The following TRIM16 variants were observed in gnomAD, a reference collection of about 807,000 sequenced individuals.
The protein encoded by TRIM16 is tripartite motif-containing protein 16.
A neutral mutation model predicts 50.4 loss-of-function variants in TRIM16; 33 were observed. The observed-to-expected ratio is 0.65, with a 90% confidence interval of 0.50 to 0.88. The LOEUF (loss-of-function observed/expected upper bound fraction) is 0.88. Among genes scored for constraint, TRIM16 ranks in the 40% least tolerant of loss-of-function variants. TRIM16 has a pLI of 0.00. For missense variants in TRIM16, 581 were observed against 686.8 expected, an observed-to-expected ratio of 0.85 and a Z score of 1.72; for synonymous variants, 229 against 270.7, an observed-to-expected ratio of 0.85 and a Z score of 1.51.
intron 1 of TRIM16, 179 bp downstream of exon 1, chr17:15,684,017 C>A (rs1327290639): frequency 2.0e-5 from 3 of 152,244 alleles, no homozygotes; most frequent in Non-Finnish European, 4.4e-5. Context: ...CACACATACA[C>A]CCCACTCCCA....
Position 15,647,012 on chromosome 17 carries a change from G to A in TRIM16, c.519+4079C>T, listed in dbSNP as rs558123714. Among the ~76,000 whole-genome samples the A allele has an allele frequency of 2.0e-5, 3 of 151,674 alleles. No individual in the cohort carries two copies. The East Asian group carries it at 5.8e-4, about 29-fold the overall frequency. ...GATGGAGTCTTGCTCTGTCACCCAG[G>A]CTGGAGTGCAATGGCGCGATCTCGG... On this transcript the variant is annotated intron_variant, in intron 7 of 11. Transcript: ENST00000649191.
chr17:15,650,699 T>G (rs1311991466), intron 7 of TRIM16, among the ~76,000 whole-genome samples: 2 of 152,182 alleles, frequency 1.3e-5, no homozygotes, highest in Non-Finnish European at 2.9e-5. Flanking sequence ...TTTCATTAAT[T>G]GACAATGGAT....
chr17:15,632,949 C>G, intron 9 of TRIM16: 1 of 295,984 alleles, frequency 3.4e-6, no homozygotes, highest in Non-Finnish European at 6.3e-6. Context: ...ATGAACAGCT[C>G]CAATACACAG....
At chr17:15,682,280 C>T (rs186269528) in intron 3 of TRIM16, among the ~76,000 whole-genome samples, 109 of 152,308 alleles carry the variant, frequency 7.2e-4, no homozygotes, top group African/African-American at 2.4e-3. Context: ...TATGTTTGGT[C>T]ATACTCCCAA....
intron 6 of TRIM16, among the ~76,000 whole-genome samples, chr17:15,669,405 G>C (rs1207216536): frequency 2.0e-5 from 3 of 151,972 alleles, no homozygotes; most frequent in Non-Finnish European, 4.4e-5. Context: ...GATGTCTAAA[G>C]TATAATGTTG....
chr17:15,653,852 C>T (rs1318759997), intron 6 of TRIM16, among the ~76,000 whole-genome samples: 3 of 152,148 alleles, frequency 2.0e-5, no homozygotes, highest in Admixed American at 6.5e-5. Flanking sequence ...GTGTACCCAG[C>T]GTTTGCAGAT....
intron 6 of TRIM16, among the ~76,000 whole-genome samples, chr17:15,657,702 G>A (rs1988041218): frequency 6.6e-6 from 1 of 152,138 alleles, no homozygotes; most frequent in Non-Finnish European, 1.5e-5. Context: ...TCATATCGTA[G>A]CATGCATCTG....
At position 15,651,698 on chromosome 17, in the gene TRIM16, A is replaced by G; in HGVS notation, c.-89T>C. On this transcript the variant is annotated 5_prime_UTR_variant, in exon 7 of 12. Coordinates refer to ENST00000649191, the MANE Select transcript of TRIM16 (RefSeq NM_001348119.1). ...AGTCAGACAAGAGAACCACGCCTAGATGATTGCAGCTGCTGCAAGATTTTA... is the reference window on the plus strand; with the variant it reads ...AGTCAGACAAGAGAACCACGCCTAGGTGATTGCAGCTGCTGCAAGATTTTA... 1.9e-6 allele frequency: 3 copies of G among 1,548,926 alleles called. No homozygotes were observed. Among genetic ancestry groups the G allele is most frequent in the Non-Finnish European group, 2.6e-6 (3 of 1,150,692 alleles).
rs142305170 is a variant in TRIM16, at chr17:15,628,988, T to C, written c.1322A>G (p.Tyr441Cys). 3 of 1,612,878 alleles carry C rather than the reference T, an allele frequency of 1.9e-6. No individual in the cohort carries two copies. Among genetic ancestry groups the C allele is most frequent in the African/African-American group, 1.3e-5 (1 of 74,502 alleles). Residue 441 changes from tyrosine (Y) to cysteine (C), a missense_variant, in exon 12 of 12, where the codon TAT becomes TGT. By Grantham distance (194) the Tyr-to-Cys change is radical. Transcript: ENST00000649191. ...GATGCCTTTGCAGGTCAGGCCAACA[T>C]AGGTGCCTGCCCCGAAGATCTCCAC... ...FEVEIFGAGT[Y>C]VGLTCKGIDR...
At chr17:15,638,501 C>T (rs1986959436) in intron 8 of TRIM16, among the ~76,000 whole-genome samples, 1 of 148,994 alleles carries the variant, frequency 6.7e-6, no homozygotes, top group Non-Finnish European at 1.5e-5. Context: ...ACCTAGGAAG[C>T]GGAGCTTGCA....
rs751710898 is a variant in TRIM16, at chr17:15,636,162, C to T, written c.723G>A (p.Glu241=). ...ANVMLFLEEK[E]QAALSQANGI... ...CGTTGGCCTGGCTCAGCGCAGCTTG[C>T]TCCTTCTCCTCTAAGAAGAGCATCA... The change falls in exon 9 of 12, where the codon GAG becomes GAA. Residue 241 remains glutamate, a synonymous_variant. Coordinates refer to ENST00000649191, the MANE Select transcript of TRIM16 (RefSeq NM_001348119.1). 1.2e-6 allele frequency: 2 copies of T among 1,609,834 alleles called. No individual in the cohort carries two copies. Among genetic ancestry groups the T allele is most frequent in the South Asian group, 1.1e-5 (1 of 90,494 alleles).
At chr17:15,667,189 T>G (rs969151420) in intron 6 of TRIM16, among the ~76,000 whole-genome samples, 5 of 152,086 alleles carry the variant, frequency 3.3e-5, no homozygotes, top group Non-Finnish European at 1.5e-5. Flanking sequence ...ATGATAACAC[T>G]TGAGTATTCT....
intron 8 of TRIM16, among the ~76,000 whole-genome samples, chr17:15,639,577 G>A (rs1249253167): frequency 1.3e-5 from 2 of 149,074 alleles, no homozygotes; most frequent in African/African-American, 5.0e-5. Context: ...GAAACCTGAG[G>A]CTATCTGGTT....
At chr17:15,679,845 G>A (rs1050720167) in intron 4 of TRIM16, among the ~76,000 whole-genome samples, 1 of 151,768 alleles carries the variant, frequency 6.6e-6, no homozygotes, top group Non-Finnish European at 1.5e-5. Context: ...GCTGAGGCAG[G>A]AGAATGGAGT....
intron 4 of TRIM16, among the ~76,000 whole-genome samples, chr17:15,678,510 A>G (rs1175097846): frequency 6.6e-6 from 1 of 152,146 alleles, no homozygotes; most frequent in East Asian, 1.9e-4. Flanking sequence ...ATGTTCCTCC[A>G]TGCTGTTTTC....
chr17:15,631,752 A>C (rs775397576), intron 10 of TRIM16, 38 bp from the exon 11 acceptor site: 1 of 1,601,648 alleles, frequency 6.2e-7, no homozygotes, highest in South Asian at 1.1e-5. Context: ...ACACCTGTCC[A>C]GGTGGTCAGG....
At chr17:15,677,799 G>A (rs1335825750) in intron 4 of TRIM16, 78 bp from the exon 5 acceptor site, 9 of 971,066 alleles carry the variant, frequency 9.3e-6, no homozygotes, top group Non-Finnish European at 9.8e-6. Context: ...TATGTTCACA[G>A]TGTCAAAGAC....
intron 6 of TRIM16, among the ~76,000 whole-genome samples, chr17:15,666,973 T>TG (rs1258197839): frequency 7.2e-5 from 11 of 152,256 alleles, no homozygotes; most frequent in Admixed American, 2.0e-4. Context: ...ATCTCTGCCT[T>TG]GGGGGGGCGG....
chr17:15,677,817 T>A (rs906984480), intron 4 of TRIM16, 96 bp from the exon 5 acceptor site: 8 of 908,308 alleles, frequency 8.8e-6, no homozygotes, highest in Admixed American at 6.2e-5. Context: ...GACAAGATTT[T>A]ATTGACTCGT....
Sources: gnomAD v4.1 joint callset for allele counts (sites outside exome capture counted in the v4.1 genomes callset) on GRCh38, gnomAD v4.1.1 for gene constraint, MANE v1.5 for transcripts, NCBI Gene and HGNC (gene_info 2026-07-23, HGNC 2026-07-21) for gene names.